ABHD12B: variants seen among roughly 807,000 people sequenced by gnomAD.
The protein encoded by ABHD12B is abhydrolase domain containing 12B.
ABHD12B carries 42 observed loss-of-function variants against 50.4 expected under a neutral mutation model. The ratio of observed to expected loss-of-function variants is 0.83; its 90% CI spans 0.65 to 1.08. The LOEUF is 1.08. Among genes scored for constraint, ABHD12B ranks in the 50% least tolerant of loss-of-function variants. The pLI is 0.00. For synonymous variants in ABHD12B, 167 were observed against 160.3 expected, an observed-to-expected ratio of 1.04 and a Z score of -0.32; for missense variants, 479 against 447.7, an observed-to-expected ratio of 1.07 and a Z score of -0.63.
At chr14:50,874,355 C>T (rs1389468211) in intron 1 of ABHD12B, among the ~76,000 whole-genome samples, 4 of 152,158 alleles carry the variant, frequency 2.6e-5, no homozygotes, top group Admixed American at 2.6e-4. Flanking sequence ...AATCCCAGCA[C>T]TTTGGGAAGC....
rs150486528 is a variant in ABHD12B, at chr14:50,881,044, G to A, written c.455+473G>A. Among the ~76,000 whole-genome samples, 56 of 152,274 alleles carry A rather than the reference G, an allele frequency of 3.7e-4. No homozygotes were observed. In the East Asian group the frequency reaches 8.9e-3, roughly 24 times the overall value. On this transcript the variant is annotated intron_variant, in intron 4 of 12. Coordinates refer to ENST00000337334, the MANE Select transcript of ABHD12B (RefSeq NM_001206673.2). ...AGGTCACACGGAATTCTGACCACAG[G>A]TACTGGGGACCGTCTGACTAATTCT...
intron 4 of ABHD12B, 44 bp downstream of exon 4, chr14:50,880,615 G>A (rs769420133): frequency 2.7e-6 from 4 of 1,502,472 alleles, no homozygotes; most frequent in African/African-American, 2.8e-5. Flanking sequence ...GAGATTGAGA[G>A]CATTTCAGCC....
intron 3 of ABHD12B, among the ~76,000 whole-genome samples, chr14:50,880,013 AGTTTAGT>A: frequency 6.6e-6 from 1 of 152,376 alleles, no homozygotes; most frequent in Middle Eastern, 3.4e-3. Context: ...GGAGCAAAAT[AGTTTAGT>A]GTTTTAGTTC....
chr14:50,904,453 C>T lies in ABHD12B; in HGVS notation c.*87C>T. The T allele has an allele frequency of 6.4e-7, 1 of 1,562,374 alleles. No individual in the cohort carries two copies. The highest frequency in any genetic ancestry group is 8.8e-7 in the Non-Finnish European group (1 of 1,139,560). On this transcript the variant is annotated 3_prime_UTR_variant, in exon 13 of 13. Transcript: ENST00000337334. The stretch of plus-strand genomic sequence containing the variant: ...TGTTCTAATGTAAAATTGTACTGGG[C>T]TGGTCGGATGAGCTGAGGCCATTGA...
At chr14:50,883,769 G>A (rs1440753215) in intron 5 of ABHD12B, among the ~76,000 whole-genome samples, 2 of 152,238 alleles carry the variant, frequency 1.3e-5, no homozygotes, top group African/African-American at 2.4e-5. Context: ...TGCCCAACAG[G>A]ACCAAACTTC....
intron 1 of ABHD12B, among the ~76,000 whole-genome samples, chr14:50,877,738 G>C (rs1328918509): frequency 6.6e-6 from 1 of 151,992 alleles, no homozygotes; most frequent in Non-Finnish European, 1.5e-5. Flanking sequence ...ATGGTGGTGG[G>C]TGCCTGTAAT....
In ABHD12B at chr14:50,904,376, G is replaced by A; in HGVS notation, c.*10G>A. 1 of 1,613,834 alleles carries A rather than the reference G, an allele frequency of 6.2e-7. No homozygotes were observed. On this transcript the variant is annotated 3_prime_UTR_variant, in exon 13 of 13. Coordinates refer to ENST00000337334, the MANE Select transcript of ABHD12B (RefSeq NM_001206673.2). ...CAAGCAGTGGTCATGAGTCTGGGAG[G>A]AGTGGAAATCTTCAATGAAGACTTG...
chr14:50,889,761 AGAG>A (rs1180271851), intron 9 of ABHD12B, among the ~76,000 whole-genome samples: 1 of 152,232 alleles, frequency 6.6e-6, no homozygotes, highest in East Asian at 1.9e-4. Context: ...GTGGGGAGAG[AGAG>A]AGAGCGAAAG....
intron 2 of ABHD12B, among the ~76,000 whole-genome samples, chr14:50,878,304 C>G (rs2049891393): frequency 6.6e-6 from 1 of 152,178 alleles, no homozygotes; most frequent in Non-Finnish European, 1.5e-5. Flanking sequence ...GGGTTCCATT[C>G]ACAGTCCTTC....
intron 4 of ABHD12B, among the ~76,000 whole-genome samples, chr14:50,880,957 T>A (rs925046723): frequency 6.6e-6 from 1 of 152,188 alleles, no homozygotes; most frequent in African/African-American, 2.4e-5. Flanking sequence ...TTCAGAACAC[T>A]ACAGTGGAGA....
rs2142755044 is a variant in ABHD12B at position 50,892,261 on chromosome 14, A to AT, written c.780+3358_780+3359insT. The AT allele has an allele frequency of 7.9e-6, 2 of 251,856 alleles. 1 individual carries two copies. The highest frequency in any genetic ancestry group is 4.6e-5 in the African/African-American group (2 of 43,332). The allele number at this position is 251,856 out of a possible 1,614,324, so 15.6% of individuals were successfully genotyped here. Reference sequence around the variant, plus strand: ...TTTTAGGTCATATTCTCCTAGAAGCAAAGCCTGAGACAGAGATTTGGTGTG... The same window carrying AT: ...TTTTAGGTCATATTCTCCTAGAAGCATAAGCCTGAGACAGAGATTTGGTGTG... On this transcript the variant is annotated intron_variant, in intron 9 of 12. Transcript: ENST00000337334.
chr14:50,877,989 A>G lies in ABHD12B; in HGVS notation c.142A>G (p.Ile48Val). The G allele has an allele frequency of 2.0e-6, 3 of 1,534,620 alleles. No homozygotes were observed. The highest frequency in any genetic ancestry group is 2.4e-5 in the South Asian group (2 of 83,536). The part of the protein sequence containing the change: ...PHSCSMLGRK[I>V]AALYDSFTSK... ...CTCCTGTTCAATGCTCGGAAGAAAA[A>G]TTGCTGCTCTGTATGACAGCTTTAC... The change falls in exon 2 of 13, where the codon ATT becomes GTT. Residue 48 changes from isoleucine to valine, a missense_variant. Physicochemically the swap from Ile to Val is conservative, Grantham distance 29 (BLOSUM62 3). Coordinates refer to ENST00000337334, the MANE Select transcript of ABHD12B (RefSeq NM_001206673.2).
At chr14:50,896,337 C>T (rs2050198647) in intron 9 of ABHD12B, among the ~76,000 whole-genome samples, 1 of 152,156 alleles carries the variant, frequency 6.6e-6, no homozygotes, top group Non-Finnish European at 1.5e-5. Flanking sequence ...TTCACCGCTC[C>T]AACACTTCAA....
intron 9 of ABHD12B, among the ~76,000 whole-genome samples, chr14:50,897,300 T>A (rs1312399478): frequency 6.6e-6 from 1 of 152,070 alleles, no homozygotes; most frequent in Non-Finnish European, 1.5e-5. Context: ...TCTTAAACTC[T>A]TGACCTCAGG....
Position 50,904,260 on chromosome 14 carries a change from C to T in ABHD12B, c.1061+68C>T, listed in dbSNP as rs914765599. 15 of 1,613,258 alleles carry T rather than the reference C, an allele frequency of 9.3e-6. No homozygotes were observed. In the Middle Eastern group the frequency reaches 1.3e-3, roughly 142 times the overall value. On this transcript the variant is annotated intron_variant, in intron 12 of 12. Transcript: ENST00000337334. ...TTAGGGCTGCTCTGGCTTACTTAGG[C>T]CACAACATGAAAATGTATAATATTT...
chr14:50,885,585 A>C, intron 5 of ABHD12B, 29 bp from the exon 6 acceptor site: 2 of 1,614,020 alleles, frequency 1.2e-6, no homozygotes, highest in African/African-American at 2.7e-5. Flanking sequence ...TCTTCTAATT[A>C]AAGTGATAAC....
chr14:50,882,288 A>C (rs1183748778), intron 5 of ABHD12B, among the ~76,000 whole-genome samples: 1 of 150,958 alleles, frequency 6.6e-6, no homozygotes, highest in African/African-American at 2.4e-5. Context: ...AGAGAGTATT[A>C]TTAAGGTGCA....
At chr14:50,888,739 A>C in intron 8 of ABHD12B, 85 bp from the exon 9 acceptor site, 1 of 1,182,256 alleles carries the variant, frequency 8.5e-7, no homozygotes. Flanking sequence ...GCTCATGTAC[A>C]AGATCTTGAA....
chr14:50,904,373 G>C lies in ABHD12B; in HGVS notation c.*7G>C. The C allele has an allele frequency of 6.2e-7, 1 of 1,613,882 alleles. No individual in the cohort carries two copies. Among genetic ancestry groups the C allele is most frequent in the Non-Finnish European group, 8.5e-7 (1 of 1,179,856 alleles). On this transcript the variant is annotated 3_prime_UTR_variant, in exon 13 of 13. Coordinates refer to ENST00000337334, the MANE Select transcript of ABHD12B (RefSeq NM_001206673.2). ...GAGCAAGCAGTGGTCATGAGTCTGG[G>C]AGGAGTGGAAATCTTCAATGAAGAC...
Sources: gnomAD v4.1 joint callset for allele counts (sites outside exome capture counted in the v4.1 genomes callset) on GRCh38, gnomAD v4.1.1 for gene constraint, MANE v1.5 for transcripts, NCBI Gene and HGNC (gene_info 2026-07-23, HGNC 2026-07-21) for gene names.